The following PCGF5 variants were observed in gnomAD, a reference collection of about 807,000 sequenced individuals.
PCGF5 encodes polycomb group RING finger protein 5.
In PCGF5, 9 loss-of-function variants were observed where a neutral mutation model predicts 44.3. That is an observed-to-expected ratio of 0.20 (90% confidence interval 0.12 to 0.35). The LOEUF (loss-of-function observed/expected upper bound fraction) is 0.35, where lower values mean the gene tolerates loss of function less well. Among genes scored for constraint, PCGF5 ranks in the 10% least tolerant of loss-of-function variants. The probability of loss-of-function intolerance (pLI) is 1.00; values close to 1 mark genes in which losing one functional copy is unlikely to be tolerated. For missense variants in PCGF5, 146 were observed against 305.3 expected (o/e 0.48, Z 3.89); for synonymous variants, 95 against 102.5 (o/e 0.93, Z 0.44).
At chr10:91,227,469 C>T in intron 2 of PCGF5, 1 of 1,284,054 alleles carries the variant, frequency 7.8e-7, no homozygotes, top group African/African-American at 1.5e-5. Flanking sequence ...TGACTCTTTA[C>T]CCTCACTAAC....
intron 1 of PCGF5, among the ~76,000 whole-genome samples, chr10:91,171,008 TG>T (rs1367911679): frequency 6.6e-6 from 1 of 152,228 alleles, no homozygotes; most frequent in Admixed American, 6.5e-5. Flanking sequence ...CTTCATACTG[TG>T]TGATTCCAAC....
chr10:91,230,586 A>G (rs150965948), intron 2 of PCGF5, among the ~76,000 whole-genome samples: 4 of 152,132 alleles, frequency 2.6e-5, no homozygotes, highest in Admixed American at 2.6e-4. Context: ...GATCAATGTT[A>G]TATTTTAGTT....
intron 3 of PCGF5, among the ~76,000 whole-genome samples, chr10:91,242,280 G>C (rs1391252338): frequency 6.6e-6 from 1 of 151,316 alleles, no homozygotes; most frequent in Non-Finnish European, 1.5e-5. Flanking sequence ...TAGTACTGCA[G>C]TAAGGAAACT....
intron 1 of PCGF5, among the ~76,000 whole-genome samples, chr10:91,183,908 T>C (rs1843869137): frequency 6.6e-6 from 1 of 152,228 alleles, no homozygotes; most frequent in Non-Finnish European, 1.5e-5. Flanking sequence ...TTCTGGCTTG[T>C]AGGGTTTCTG....
chr10:91,227,950 C>T (rs1319463566), intron 2 of PCGF5: 1 of 965,600 alleles, frequency 1.0e-6, no homozygotes, highest in Non-Finnish European at 1.2e-6. Flanking sequence ...AAATGCATGG[C>T]TAATAAGTTA....
At chr10:91,247,378 CA>C (rs1845493780) in intron 3 of PCGF5, among the ~76,000 whole-genome samples, 2 of 151,934 alleles carry the variant, frequency 1.3e-5, no homozygotes, top group Admixed American at 1.3e-4. Context: ...GTAAAAGAAG[CA>C]AAACAGAGTA....
chr10:91,249,417 A>G (rs891429848), intron 5 of PCGF5, among the ~76,000 whole-genome samples: 77 of 89,554 alleles, frequency 8.6e-4, no homozygotes, highest in South Asian at 3.2e-3. Flanking sequence ...ATATATATAT[A>G]TATGTATAAA....
intron 1 of PCGF5, among the ~76,000 whole-genome samples, chr10:91,166,582 T>C (rs973918825): frequency 6.6e-6 from 1 of 152,172 alleles, no homozygotes; most frequent in Admixed American, 6.5e-5. Context: ...AGTGTGCATG[T>C]TTGCTTACTT....
chr10:91,251,421 CAG>C lies in PCGF5; in HGVS notation c.456_457del (p.Asp154GlnfsTer23), dbSNP rs780964655. ...GATTGTTTACGAAATAATGGGCAAT[CAG>C]GGGACAATGTAGTAAAGGTGAGTGA... On this transcript the variant is annotated frameshift_variant, in exon 6 of 10. Coordinates refer to ENST00000336126, the MANE Select transcript of PCGF5 (RefSeq NM_032373.5). LOFTEE classifies it high-confidence loss of function. 4 of 1,611,116 alleles carry C rather than the reference CAG, an allele frequency of 2.5e-6. No individual in the cohort carries two copies. Among genetic ancestry groups the C allele is most frequent in the South Asian group, 1.1e-5 (1 of 90,988 alleles).
At chr10:91,276,764 G>T (rs917383413) in intron 9 of PCGF5, among the ~76,000 whole-genome samples, 1 of 152,196 alleles carries the variant, frequency 6.6e-6, no homozygotes, top group East Asian at 1.9e-4. Context: ...TTATGTATTT[G>T]CAGAAAGTGT....
rs1846499432 is a variant in PCGF5, at chr10:91,283,382, T to G, written c.*5066T>G. 1 of 152,216 alleles carries G rather than the reference T, an allele frequency of 6.6e-6. No homozygotes were observed. Among genetic ancestry groups the G allele is most frequent in the African/African-American group, 2.4e-5 (1 of 41,464 alleles). The allele number at this position is 152,216 out of a possible 1,614,324, so 9.4% of individuals were successfully genotyped here. The stretch of plus-strand genomic sequence containing the variant: ...ACTGATTTTTCAGAGATTTTTAACT[T>G]TAATAATTTTAAATCTAGAATCAAG... On this transcript the variant is annotated 3_prime_UTR_variant, in exon 10 of 10. Coordinates refer to ENST00000336126, the MANE Select transcript of PCGF5 (RefSeq NM_032373.5).
At position 91,284,215 on chromosome 10, in the gene PCGF5, C is replaced by T. The variant is rs529194507; in HGVS notation, c.*5899C>T. On this transcript the variant is annotated 3_prime_UTR_variant, in exon 10 of 10. Coordinates refer to ENST00000336126, the MANE Select transcript of PCGF5 (RefSeq NM_032373.5). ...CTGGACTTAGCCAAGTATATTTCACCATGTTAAAATACAGTATCTTTGTTA... is the reference window on the plus strand; with the variant it reads ...CTGGACTTAGCCAAGTATATTTCACTATGTTAAAATACAGTATCTTTGTTA... 6 of 152,254 alleles carry T rather than the reference C, an allele frequency of 3.9e-5. No individual in the cohort carries two copies. Among genetic ancestry groups the T allele is most frequent in the African/African-American group, 1.4e-4 (6 of 41,408 alleles). 9.4% of individuals were successfully genotyped at this position (152,254 alleles called of 1,614,324 possible).
rs1345858118 is a variant in PCGF5, at chr10:91,283,463, T to A, written c.*5147T>A. On this transcript the variant is annotated 3_prime_UTR_variant, in exon 10 of 10. Transcript: ENST00000336126. The stretch of plus-strand genomic sequence containing the variant: ...TTTTCTTCCATCTTATGGAGCTTCA[T>A]GGAATAAGAAACTAATCTAGTGCAA... 1 of 152,212 alleles carries A rather than the reference T, an allele frequency of 6.6e-6. No homozygotes were observed. Among genetic ancestry groups the A allele is most frequent in the African/African-American group, 2.4e-5 (1 of 41,466 alleles). 9.4% of individuals were successfully genotyped at this position (152,212 alleles called of 1,614,324 possible).
intron 2 of PCGF5, among the ~76,000 whole-genome samples, chr10:91,238,601 C>CTTTTTTTTTTTTTTTTTTTTTTTTTT (rs71487496): frequency 1.2e-4 from 7 of 58,484 alleles, no homozygotes; most frequent in African/African-American, 1.4e-4. Context: ...TTCTTTCTTT[C>CTTTTTTTTTTTTTTTTTTTTTTTTTT]TTTTTTTTTT....
chr10:91,206,385 T>A (rs1844348292), intron 1 of PCGF5, among the ~76,000 whole-genome samples: 1 of 152,200 alleles, frequency 6.6e-6, no homozygotes, highest in Non-Finnish European at 1.5e-5. Context: ...ACTTTTTTTT[T>A]AATCTCAAAA....
At chr10:91,239,308 A>G (rs1250970123) in intron 2 of PCGF5, among the ~76,000 whole-genome samples, 1 of 152,196 alleles carries the variant, frequency 6.6e-6, no homozygotes, top group African/African-American at 2.4e-5. Flanking sequence ...GAATAAACAA[A>G]CAAGAGGAAA....
intron 6 of PCGF5, among the ~76,000 whole-genome samples, chr10:91,254,130 C>T (rs1420926702): frequency 6.6e-6 from 1 of 151,840 alleles, no homozygotes; most frequent in African/African-American, 2.4e-5. Flanking sequence ...ATTAGTAAAT[C>T]GTCCTTTCAA....
intron 5 of PCGF5, among the ~76,000 whole-genome samples, chr10:91,249,094 T>G (rs1219495124): frequency 2.0e-5 from 3 of 151,918 alleles, no homozygotes; most frequent in Non-Finnish European, 2.9e-5. Flanking sequence ...TTTTGTATGT[T>G]TGCCTCTAAA....
chr10:91,280,581 C>T lies in PCGF5; in HGVS notation c.*2265C>T, dbSNP rs1229360076. 6.6e-6 allele frequency: 1 copy of T among 152,422 alleles called. No homozygotes were observed. The highest frequency in any genetic ancestry group is 3.2e-3 in the Middle Eastern group (1 of 316). 9.4% of individuals were successfully genotyped at this position (152,422 alleles called of 1,614,324 possible). The stretch of plus-strand genomic sequence containing the variant: ...CGTGAAAAGCTTACATAAAGAAAGG[C>T]ATCAGTTGTCGTTTGGAGAAAGGTA... On this transcript the variant is annotated 3_prime_UTR_variant, in exon 10 of 10. Coordinates refer to ENST00000336126, the MANE Select transcript of PCGF5 (RefSeq NM_032373.5).
Sources: allele counts gnomAD v4.1 joint callset (sites outside exome capture counted in the v4.1 genomes callset), GRCh38; gene constraint gnomAD v4.1.1; transcripts MANE v1.5; gene names NCBI Gene and HGNC (gene_info 2026-07-23, HGNC 2026-07-21).